CADPS2: variants seen among roughly 807,000 people sequenced by gnomAD.
CADPS2 encodes calcium dependent secretion activator 2, also known as calcium-dependent secretion activator 2.
CADPS2 carries 93 observed loss-of-function variants against 172.5 expected under a neutral mutation model. That is an observed-to-expected ratio of 0.54 (90% CI 0.46 to 0.64). CADPS2 has a LOEUF of 0.64. CADPS2 is among the 30% of genes least tolerant of loss of function. CADPS2 has a pLI of 0.00. For synonymous variants in CADPS2, 546 were observed against 555.2 expected, an observed-to-expected ratio of 0.98 and a Z score of 0.23; for missense variants, 1,420 against 1,565.9, an observed-to-expected ratio of 0.91 and a Z score of 1.57.
At chr7:122,815,457 C>A (rs1801082064) in intron 1 of CADPS2, among the ~76,000 whole-genome samples, 1 of 152,066 alleles carries the variant, frequency 6.6e-6, no homozygotes, top group East Asian at 1.9e-4. Context: ...CAATTTGTAA[C>A]AAAAGATCAA....
chr7:122,588,134 G>T (rs371233725), intron 6 of CADPS2, among the ~76,000 whole-genome samples: 29 of 152,084 alleles, frequency 1.9e-4, no homozygotes, highest in African/African-American at 6.7e-4. Flanking sequence ...TGGATGGATT[G>T]CAACGATTTT....
intron 1 of CADPS2, among the ~76,000 whole-genome samples, chr7:122,774,190 T>C (rs908367895): frequency 2.0e-5 from 3 of 151,878 alleles, no homozygotes; most frequent in Non-Finnish European, 4.4e-5. Context: ...AAAGTTGATT[T>C]TGAAGTTAAA....
chr7:122,381,561 A>G (rs1045431744), intron 24 of CADPS2, among the ~76,000 whole-genome samples: 1 of 152,150 alleles, frequency 6.6e-6, no homozygotes, highest in Non-Finnish European at 1.5e-5. Context: ...TTTTGGGTTG[A>G]ATTGATTCTG....
At chr7:122,622,039 A>G (rs184765317) in intron 4 of CADPS2, among the ~76,000 whole-genome samples, 1 of 152,356 alleles carries the variant, frequency 6.6e-6, no homozygotes, top group East Asian at 1.9e-4. Context: ...TTTAGCGTAT[A>G]GATGAACCTT....
intron 1 of CADPS2, among the ~76,000 whole-genome samples, chr7:122,756,508 G>A (rs1287013054): frequency 2.0e-5 from 3 of 152,140 alleles, no homozygotes; most frequent in Non-Finnish European, 4.4e-5. Context: ...AGACATAGAT[G>A]TTACAGAATA....
chr7:122,845,323 C>A (rs1811695430), intron 1 of CADPS2, among the ~76,000 whole-genome samples: 2 of 152,118 alleles, frequency 1.3e-5, no homozygotes, highest in Non-Finnish European at 1.5e-5. Context: ...CAGCTTCTTG[C>A]CTAGCATGAG....
chr7:122,504,190 T>C (rs2059436884), intron 9 of CADPS2, among the ~76,000 whole-genome samples: 1 of 152,186 alleles, frequency 6.6e-6, no homozygotes, highest in Non-Finnish European at 1.5e-5. Flanking sequence ...TTCTGTAATA[T>C]AAGAAAAACA....
At chr7:122,647,919 C>G (rs2078736941) in intron 3 of CADPS2, among the ~76,000 whole-genome samples, 1 of 152,186 alleles carries the variant, frequency 6.6e-6, no homozygotes, top group South Asian at 2.1e-4. Flanking sequence ...TTCTTTGTTA[C>G]TGGCTGATTT....
intron 2 of CADPS2, among the ~76,000 whole-genome samples, chr7:122,674,956 C>T (rs1236647982): frequency 6.6e-6 from 1 of 152,190 alleles, no homozygotes; most frequent in Non-Finnish European, 1.5e-5. Flanking sequence ...ATTCATGAAG[C>T]TTTGTAACTG....
At chr7:122,629,740 A>C (rs1026894395) in intron 3 of CADPS2, among the ~76,000 whole-genome samples, 4 of 152,126 alleles carry the variant, frequency 2.6e-5, no homozygotes, top group Non-Finnish European at 5.9e-5. Context: ...AGTTTGTATT[A>C]GTGCTAAACT....
At chr7:122,660,285 C>A (rs1298508221) in intron 3 of CADPS2, among the ~76,000 whole-genome samples, 1 of 151,838 alleles carries the variant, frequency 6.6e-6, no homozygotes, top group East Asian at 1.9e-4. Context: ...ACACATGAAG[C>A]CTTATAGTAT....
intron 4 of CADPS2, among the ~76,000 whole-genome samples, chr7:122,628,576 CAT>C (rs1278184526): frequency 6.6e-6 from 1 of 151,546 alleles, no homozygotes; most frequent in Non-Finnish European, 1.5e-5. Flanking sequence ...CTAAAATTTT[CAT>C]ATCATTGAAG....
intron 28 of CADPS2, among the ~76,000 whole-genome samples, chr7:122,338,407 C>CA: frequency 6.6e-6 from 1 of 152,112 alleles, no homozygotes; most frequent in East Asian, 1.9e-4. Flanking sequence ...AAAAAACAAA[C>CA]AAACAAACAA....
At chr7:122,393,356 C>G in intron 21 of CADPS2, 41 bp from the exon 22 acceptor site, 1 of 1,613,538 alleles carries the variant, frequency 6.2e-7, no homozygotes, top group Non-Finnish European at 8.5e-7. Context: ...CCACCATAAG[C>G]GATAACTACA....
intron 6 of CADPS2, chr7:122,585,515 C>A (rs1051900783): frequency 2.7e-5 from 4 of 149,914 alleles, no homozygotes; most frequent in Admixed American, 6.7e-5. Flanking sequence ...GGCCTACCTT[C>A]AATATTCACC....
Position 122,544,156 on chromosome 7 carries a change from AG to A in CADPS2, c.1475+10393del, listed in dbSNP as rs563297879. Among the ~76,000 whole-genome samples, 574 of 152,278 alleles carry A rather than the reference AG, an allele frequency of 3.8e-3. 5 individuals are homozygous for A. Among genetic ancestry groups the A allele is most frequent in the African/African-American group, 0.01 (420 of 41,562 alleles). ...TGTTCACAGTAGCAATACATGAAAT[AG>A]CAAGAATCTTGAATGATTCAAATGT... On this transcript the variant is annotated intron_variant, in intron 8 of 29. Coordinates refer to ENST00000449022, the MANE Select transcript of CADPS2 (RefSeq NM_017954.11).
chr7:122,541,923 A>ATTCATATATATTTATATATTC, intron 8 of CADPS2, among the ~76,000 whole-genome samples: 1 of 145,810 alleles, frequency 6.9e-6, no homozygotes, highest in African/African-American at 2.6e-5. Flanking sequence ...ATTTATATAT[A>ATTCATATATATTTATATATTC]ACTATTGCAA....
chr7:122,711,879 C>T (rs1394837120), intron 2 of CADPS2, among the ~76,000 whole-genome samples: 1 of 150,356 alleles, frequency 6.7e-6, no homozygotes, highest in East Asian at 2.0e-4. Context: ...TCTCGAACTC[C>T]TGACCTTGTG....
At chr7:122,427,869 T>C (rs1437547516) in intron 17 of CADPS2, among the ~76,000 whole-genome samples, 1 of 152,238 alleles carries the variant, frequency 6.6e-6, no homozygotes, top group Non-Finnish European at 1.5e-5. Context: ...GAAGAATTTA[T>C]ATCTTATATT....
Sources: allele counts gnomAD v4.1 joint callset (sites outside exome capture counted in the v4.1 genomes callset), GRCh38; gene constraint gnomAD v4.1.1; transcripts MANE v1.5; gene names NCBI Gene and HGNC (gene_info 2026-07-23, HGNC 2026-07-21).